Variants in SUCLG2 observed in about 807,000 individuals in gnomAD.
SUCLG2 encodes succinate--CoA ligase [GDP-forming] subunit beta, mitochondrial.
In SUCLG2, 42 loss-of-function variants were observed where a neutral mutation model predicts 47.9. The ratio of observed to expected loss-of-function variants is 0.88; its 90% CI spans 0.69 to 1.14. SUCLG2 has a LOEUF of 1.14. SUCLG2 is among the 50% of genes most tolerant of loss of function. SUCLG2 has a pLI of 0.00. For missense variants in SUCLG2, 571 were observed against 525.9 expected (o/e 1.09, Z -0.84); for synonymous variants, 195 against 197.3 (o/e 0.99, Z 0.10).
intron 9 of SUCLG2, among the ~76,000 whole-genome samples, chr3:67,411,614 CAT>C (rs920891428): frequency 2.0e-5 from 3 of 152,046 alleles, no homozygotes; most frequent in African/African-American, 7.2e-5. Context: ...AAAACACATA[CAT>C]GTTTTATTCA....
intron 1 of SUCLG2, among the ~76,000 whole-genome samples, chr3:67,653,854 C>T (rs1001670739): frequency 6.6e-6 from 1 of 152,224 alleles, no homozygotes; most frequent in Non-Finnish European, 1.5e-5. Flanking sequence ...TCTTTGATTT[C>T]ATTCTCCATC....
intron 7 of SUCLG2, among the ~76,000 whole-genome samples, chr3:67,507,930 A>C (rs1705682572): frequency 6.6e-6 from 1 of 152,244 alleles, no homozygotes; most frequent in African/African-American, 2.4e-5. Flanking sequence ...AAGCTTGTGA[A>C]TTTGTGTGTA....
intron 9 of SUCLG2, among the ~76,000 whole-genome samples, chr3:67,401,511 T>G (rs1702682611): frequency 6.6e-6 from 1 of 151,332 alleles, no homozygotes; most frequent in African/African-American, 2.4e-5. Context: ...GAAATGTAAA[T>G]TTAAACCCAT....
At chr3:67,411,828 C>G (rs1386755994) in intron 9 of SUCLG2, among the ~76,000 whole-genome samples, 3 of 152,100 alleles carry the variant, frequency 2.0e-5, no homozygotes, top group African/African-American at 7.2e-5. Context: ...ATTAGCATCT[C>G]AAACTTAAAT....
At chr3:67,381,257 T>C (rs1702153071) in intron 10 of SUCLG2, among the ~76,000 whole-genome samples, 1 of 151,994 alleles carries the variant, frequency 6.6e-6, no homozygotes, top group African/African-American at 2.4e-5. Flanking sequence ...AAACAGGTTA[T>C]TGAAAAAGAA....
Position 67,390,556 on chromosome 3 carries a change from C to G in SUCLG2, c.1183+10175G>C, listed in dbSNP as rs976965776. ...GAGGATTATTTTTGTTCAAAAGACT[C>G]TTGCGTGAAATGAACAGCTACATAT... On this transcript the variant is annotated intron_variant, in intron 10 of 10. Coordinates refer to ENST00000307227, the MANE Select transcript of SUCLG2 (RefSeq NM_003848.4). Among the ~76,000 whole-genome samples the G allele has an allele frequency of 1.3e-5, 2 of 152,084 alleles. 1 individual carries two copies. Among genetic ancestry groups the G allele is most frequent in the Non-Finnish European group, 2.9e-5 (2 of 68,022 alleles).
chr3:67,620,054 A>G (rs1213943228), intron 1 of SUCLG2, among the ~76,000 whole-genome samples: 1 of 152,168 alleles, frequency 6.6e-6, no homozygotes, highest in Non-Finnish European at 1.5e-5. Context: ...CTGGCATTTA[A>G]CTCCTACCAA....
chr3:67,484,627 G>A (rs1705004724), intron 9 of SUCLG2, among the ~76,000 whole-genome samples: 1 of 152,048 alleles, frequency 6.6e-6, no homozygotes, highest in African/African-American at 2.4e-5. Context: ...GTGGGGATGG[G>A]GAAGGGGGCA....
At chr3:67,492,646 G>C (rs1481899369) in intron 9 of SUCLG2, among the ~76,000 whole-genome samples, 5 of 152,096 alleles carry the variant, frequency 3.3e-5, no homozygotes, top group Non-Finnish European at 5.9e-5. Context: ...TGGAAAATAA[G>C]AGAATTATAA....
At chr3:67,393,714 GCCT>G (rs1040607178) in intron 10 of SUCLG2, among the ~76,000 whole-genome samples, 2 of 152,250 alleles carry the variant, frequency 1.3e-5, no homozygotes, top group African/African-American at 2.4e-5. Context: ...CGGGCAGACT[GCCT>G]CCTCAAGTGG....
chr3:67,500,536 A>G (rs186658817), intron 7 of SUCLG2, among the ~76,000 whole-genome samples: 1 of 152,322 alleles, frequency 6.6e-6, no homozygotes, highest in East Asian at 1.9e-4. Flanking sequence ...CAAAATATTG[A>G]AAGCTTATTG....
At chr3:67,477,938 A>C (rs1704810051) in intron 9 of SUCLG2, among the ~76,000 whole-genome samples, 1 of 152,222 alleles carries the variant, frequency 6.6e-6, no homozygotes, top group African/African-American at 2.4e-5. Flanking sequence ...TTTGCCAGAA[A>C]CTGTTTTAAC....
chr3:67,599,835 AG>A (rs1416067487), intron 2 of SUCLG2, among the ~76,000 whole-genome samples: 2 of 152,222 alleles, frequency 1.3e-5, no homozygotes, highest in African/African-American at 4.8e-5. Flanking sequence ...CAGCTGAGAT[AG>A]CTTGTTTACT....
intron 1 of SUCLG2, among the ~76,000 whole-genome samples, chr3:67,625,368 T>G (rs1468112665): frequency 6.6e-6 from 1 of 152,092 alleles, no homozygotes; most frequent in Non-Finnish European, 1.5e-5. Flanking sequence ...AAATGAAAGA[T>G]TTCTGTGAAA....
intron 9 of SUCLG2, among the ~76,000 whole-genome samples, chr3:67,435,350 T>C (rs1703592400): frequency 6.6e-6 from 1 of 152,238 alleles, no homozygotes; most frequent in South Asian, 2.1e-4. Flanking sequence ...AAGGTGGCTC[T>C]GGCTGAAGCA....
intron 2 of SUCLG2, among the ~76,000 whole-genome samples, chr3:67,589,105 A>G (rs542515366): frequency 3.1e-4 from 47 of 152,102 alleles, no homozygotes; most frequent in African/African-American, 1.1e-3. Flanking sequence ...GCCATCACCT[A>G]TGTGATCCAC....
intron 1 of SUCLG2, among the ~76,000 whole-genome samples, chr3:67,615,408 G>A (rs1200835258): frequency 1.3e-5 from 2 of 152,024 alleles, no homozygotes; most frequent in Non-Finnish European, 2.9e-5. Flanking sequence ...CCCCTGAAAG[G>A]GAAAATCGTC....
intron 7 of SUCLG2, 145 bp from the exon 8 acceptor site, chr3:67,498,440 T>G: frequency 1.3e-6 from 1 of 789,084 alleles, no homozygotes; most frequent in Non-Finnish European, 1.9e-6. Flanking sequence ...CTGCTTTGGC[T>G]TTCTTGACCT....
intron 7 of SUCLG2, among the ~76,000 whole-genome samples, chr3:67,501,850 T>C (rs900248900): frequency 5.9e-5 from 9 of 152,096 alleles, no homozygotes; most frequent in Admixed American, 4.6e-4. Flanking sequence ...CCCTGCCCCA[T>C]ATACCTCTTC....
Sources: allele counts gnomAD v4.1 joint callset (sites outside exome capture counted in the v4.1 genomes callset), GRCh38; gene constraint gnomAD v4.1.1; transcripts MANE v1.5; gene names NCBI Gene and HGNC (gene_info 2026-07-23, HGNC 2026-07-21).